The following FHOD3 variants were observed in gnomAD, a reference collection of about 807,000 sequenced individuals.
FHOD3 encodes the protein FH1/FH2 domain-containing protein 3.
Under a neutral mutation model 173.0 loss-of-function variants are expected in FHOD3, and 90 were observed. That is an observed-to-expected ratio of 0.52 (90% CI 0.44 to 0.62). FHOD3 has a LOEUF of 0.62. Among genes scored for constraint, FHOD3 ranks in the 20% least tolerant of loss-of-function variants. The pLI, the probability that FHOD3 is intolerant of heterozygous loss-of-function variation, is 0.00. For synonymous variants in FHOD3, 828 were observed against 823.0 expected, an observed-to-expected ratio of 1.01 and a Z score of -0.10; for missense variants, 1,945 against 2,034.7, an observed-to-expected ratio of 0.96 and a Z score of 0.85.
chr18:36,717,839 G>A lies in FHOD3; in HGVS notation c.2541G>A (p.Trp847Ter). ...KLSRDRTTGLWPAGVQDAGVN... is the reference protein window; with the variant it reads ...KLSRDRTTGL ...TCTCCCATGTACTTTCAGGTTTGTG[G>A]CCCGCAGGTGTCCAGGATGCAGGTG... The change falls in exon 19 of 29, where the codon TGG becomes TGA. Residue 847 changes from tryptophan (W) to a stop codon, truncating the protein, a stop_gained. Transcript: ENST00000590592. LOFTEE classifies it high-confidence loss of function. The A allele has an allele frequency of 6.4e-7, 1 of 1,569,068 alleles. No homozygotes were observed. The highest frequency in any genetic ancestry group is 1.2e-5 in the South Asian group (1 of 83,326).
chr18:36,297,809 C>T lies in FHOD3; in HGVS notation c.-27C>T, dbSNP rs1471117436. On this transcript the variant is annotated 5_prime_UTR_variant, in exon 1 of 29. Coordinates refer to ENST00000590592, the MANE Select transcript of FHOD3 (RefSeq NM_001281740.3). ...GCCCGCGGCCCCGCTAACCCCGGGG[C>T]CCGCGCCCCCGCGGCAGGGATGCAT... is the stretch of plus-strand genomic sequence containing the variant. 6.7e-7 allele frequency: 1 copy of T among 1,493,446 alleles called. No homozygotes were observed. The highest frequency in any genetic ancestry group is 8.9e-7 in the Non-Finnish European group (1 of 1,119,790). 92.5% of individuals were successfully genotyped at this position (1,493,446 alleles called of 1,614,324 possible). A position where few individuals can be genotyped will look rare whatever the true frequency, so the allele number is the denominator to read the frequency against.
intron 3 of FHOD3, among the ~76,000 whole-genome samples, chr18:36,481,098 G>C (rs1036733697): frequency 6.9e-6 from 1 of 144,178 alleles, no homozygotes; most frequent in Non-Finnish European, 1.5e-5. Context: ...TCTCCAGCTG[G>C]TGTTGGAAAT....
intron 4 of FHOD3, among the ~76,000 whole-genome samples, chr18:36,503,871 T>G (rs997562328): frequency 3.3e-5 from 5 of 152,168 alleles, no homozygotes; most frequent in Non-Finnish European, 7.3e-5. Context: ...CTCCTGAAGT[T>G]GTACTCCAAA....
chr18:36,371,899 C>T (rs2047212327), intron 2 of FHOD3, among the ~76,000 whole-genome samples: 1 of 152,130 alleles, frequency 6.6e-6, no homozygotes, highest in African/African-American at 2.4e-5. Context: ...TTTCCTTTGT[C>T]CACTGCCTTC....
chr18:36,730,572 T>C lies in FHOD3; in HGVS notation c.3418-74T>C, dbSNP rs1401139347. On this transcript the variant is annotated intron_variant, in intron 19 of 28. Transcript: ENST00000590592. The stretch of plus-strand genomic sequence containing the variant: ...TTTTCATCTCTAAATAAGTAGTGAG[T>C]GCTTTTAATAATGAAATGCAGAAAG... 4.1e-6 allele frequency: 6 copies of C among 1,454,012 alleles called. No individual in the cohort carries two copies. In the African/African-American group the frequency reaches 7.1e-5, roughly 17 times the overall value. 90.1% of individuals were successfully genotyped at this position (1,454,012 alleles called of 1,614,324 possible).
chr18:36,762,102 C>T (rs1277372289), intron 27 of FHOD3, among the ~76,000 whole-genome samples: 1 of 152,150 alleles, frequency 6.6e-6, no homozygotes, highest in Non-Finnish European at 1.5e-5. Context: ...TTCTAATAGG[C>T]TTTGCTCACT....
chr18:36,617,610 T>TGTGTGTGTGCGC lies in FHOD3; in HGVS notation c.957+5525_957+5526insGCGTGTGTGTGC, dbSNP rs1555783663. ...GTGTGTGTGTGTGTGTGTGTGTGTG[T>TGTGTGTGTGCGC]GTGTGTGTGCAATAGTTAAGATGTT... On this transcript the variant is annotated intron_variant, in intron 9 of 28. Transcript: ENST00000590592. Among the ~76,000 whole-genome samples, 1,023 of 146,108 alleles carry TGTGTGTGTGCGC rather than the reference T, an allele frequency of 7.0e-3. 2 individuals carry two copies. Among genetic ancestry groups the TGTGTGTGTGCGC allele is most frequent in the African/African-American group, 0.012 (494 of 39,760 alleles).
At chr18:36,434,058 TGATTA>T (rs1384827778) in intron 3 of FHOD3, among the ~76,000 whole-genome samples, 1 of 152,242 alleles carries the variant, frequency 6.6e-6, no homozygotes, top group Non-Finnish European at 1.5e-5. Flanking sequence ...ATAGGCTTCC[TGATTA>T]GATTAGATTA....
intron 5 of FHOD3, 111 bp downstream of exon 5, chr18:36,512,654 A>G (rs756359376): frequency 4.0e-6 from 3 of 759,116 alleles, no homozygotes; most frequent in Middle Eastern, 3.3e-4. Context: ...TTTGAGAGTA[A>G]GGTGGTAAAG....
chr18:36,400,075 T>C (rs1361221257), intron 3 of FHOD3, among the ~76,000 whole-genome samples: 1 of 152,234 alleles, frequency 6.6e-6, no homozygotes. Flanking sequence ...CAGCTCCCCA[T>C]GCATCTTTCT....
chr18:36,415,087 G>A (rs1027672666), intron 3 of FHOD3, among the ~76,000 whole-genome samples: 6 of 152,174 alleles, frequency 3.9e-5, no homozygotes, highest in African/African-American at 1.4e-4. Flanking sequence ...CCCTCACCAG[G>A]AGGGCCTCAC....
At chr18:36,354,310 G>A (rs755209767) in intron 1 of FHOD3, among the ~76,000 whole-genome samples, 2 of 152,080 alleles carry the variant, frequency 1.3e-5, no homozygotes, top group Non-Finnish European at 2.9e-5. Context: ...TTTACTAGAC[G>A]GTGAATTGGG....
intron 17 of FHOD3, among the ~76,000 whole-genome samples, chr18:36,696,104 A>G (rs1298160284): frequency 1.3e-5 from 2 of 152,152 alleles, no homozygotes; most frequent in South Asian, 2.1e-4. Context: ...GTATCTGGGT[A>G]GGTAGGGGAG....
chr18:36,452,947 A>C (rs1388745096), intron 3 of FHOD3, among the ~76,000 whole-genome samples: 1 of 151,854 alleles, frequency 6.6e-6, no homozygotes, highest in Non-Finnish European at 1.5e-5. Flanking sequence ...AGTTCTTTTG[A>C]CATCTCGGCT....
At chr18:36,422,015 AT>A (rs879677163) in intron 3 of FHOD3, among the ~76,000 whole-genome samples, 53 of 152,248 alleles carry the variant, frequency 3.5e-4, no homozygotes, top group Non-Finnish European at 7.1e-4. Flanking sequence ...TCCATATTTA[AT>A]TTTTTTGAAA....
chr18:36,658,397 G>A (rs2036562771), intron 14 of FHOD3, among the ~76,000 whole-genome samples: 1 of 152,070 alleles, frequency 6.6e-6, no homozygotes, highest in Non-Finnish European at 1.5e-5. Context: ...TTTAATATTA[G>A]CGTCTCATCC....
intron 2 of FHOD3, among the ~76,000 whole-genome samples, chr18:36,358,660 T>A (rs867792189): frequency 5.3e-5 from 8 of 152,202 alleles, no homozygotes; most frequent in South Asian, 4.2e-4. Context: ...ACATTTAAAA[T>A]TTTTTTTAGA....
intron 6 of FHOD3, among the ~76,000 whole-genome samples, chr18:36,582,317 A>G (rs1316139889): frequency 2.0e-5 from 3 of 152,204 alleles, no homozygotes; most frequent in African/African-American, 7.2e-5. Flanking sequence ...TATGGGGGTG[A>G]GAGCTGAAGA....
At chr18:36,375,499 C>T (rs2047396294) in intron 3 of FHOD3, among the ~76,000 whole-genome samples, 1 of 152,190 alleles carries the variant, frequency 6.6e-6, no homozygotes, top group Non-Finnish European at 1.5e-5. Context: ...AAAAATAATG[C>T]TTTCCTCACC....
Sources: allele counts gnomAD v4.1 joint callset (sites outside exome capture counted in the v4.1 genomes callset), GRCh38; gene constraint gnomAD v4.1.1; transcripts MANE v1.5; gene names NCBI Gene and HGNC (gene_info 2026-07-23, HGNC 2026-07-21).